Variants in HBP1 observed in about 807,000 individuals in gnomAD.
The protein encoded by HBP1 is HMG-box transcription factor 1.
In HBP1, 20 loss-of-function variants were observed where a neutral mutation model predicts 62.6. The observed-to-expected ratio is 0.32, with a 90% CI of 0.22 to 0.46. The LOEUF is 0.46. Among genes scored for constraint, HBP1 ranks in the 20% least tolerant of loss-of-function variants. The probability of loss-of-function intolerance (pLI) is 1.00; values close to 1 mark genes in which losing one functional copy is unlikely to be tolerated. For synonymous variants in HBP1, 232 were observed against 206.2 expected, an observed-to-expected ratio of 1.12 and a Z score of -1.07; for missense variants, 480 against 611.8, an observed-to-expected ratio of 0.78 and a Z score of 2.27.
Position 107,196,047 on chromosome 7 carries a change from T to A in HBP1, c.1281T>A (p.Ser427Arg). The A allele has an allele frequency of 6.2e-7, 1 of 1,613,766 alleles. No individual in the cohort carries two copies. Among genetic ancestry groups the A allele is most frequent in the South Asian group, 1.1e-5 (1 of 91,080 alleles). The change falls in exon 9 of 11, where the codon AGT becomes AGA. Residue 427 changes from serine to arginine, a missense_variant. By Grantham distance (110) the Ser-to-Arg change is moderately radical (BLOSUM62 -1). Transcript: ENST00000222574. ...AVKNHSSGTVSATSPNKCKRP... is the reference protein window; with the variant it reads ...AVKNHSSGTVRATSPNKCKRP... ...AAAACCACAGCTCAGGGACTGTGAG[T>A]GCCACTTCTCCTAATAAGTGCAAAA...
Position 107,181,007 on chromosome 7 carries a change from G to T in HBP1, c.169+945G>T, listed in dbSNP as rs182342295. Among the ~76,000 whole-genome samples, 17 of 152,216 alleles carry T rather than the reference G, an allele frequency of 1.1e-4. No individual in the cohort carries two copies. The East Asian group carries it at 3.1e-3, about 28-fold the overall frequency. On this transcript the variant is annotated intron_variant, in intron 2 of 10. Coordinates refer to ENST00000222574, the MANE Select transcript of HBP1 (RefSeq NM_012257.4). The stretch of plus-strand genomic sequence containing the variant: ...CTTCAGAAACAGAAATGAACCCTTT[G>T]CAGTAAATAAATGTTGGTCAAAGGC...
intron 9 of HBP1, among the ~76,000 whole-genome samples, chr7:107,197,613 G>A (rs137988013): frequency 7.2e-5 from 11 of 152,186 alleles, no homozygotes; most frequent in Admixed American, 2.0e-4. Context: ...CAAGTGATCC[G>A]CTCACCTTGG....
At position 107,200,356 on chromosome 7, in the gene HBP1, C is replaced by CT. The variant is rs780064575; in HGVS notation, c.1527+56dup. 3 of 1,473,546 alleles carry CT rather than the reference C, an allele frequency of 2.0e-6. No homozygotes were observed. The South Asian group carries it at 3.7e-5, about 18-fold the overall frequency. 91.3% of individuals were successfully genotyped at this position (1,473,546 alleles called of 1,614,324 possible). A position where few individuals can be genotyped will look rare whatever the true frequency, so the allele number is the denominator to read the frequency against. ...ATCTTGCCTTATCCGTGCAGGTGTA[C>CT]TGGCATGTTGGAGCAGTTGTTACAA... is the stretch of plus-strand genomic sequence containing the variant. On this transcript the variant is annotated intron_variant, in intron 10 of 10. Coordinates refer to ENST00000222574, the MANE Select transcript of HBP1 (RefSeq NM_012257.4).
At chr7:107,193,152 G>C (rs1310131638) in intron 8 of HBP1, 1 of 152,148 alleles carries the variant, frequency 6.6e-6, no homozygotes, top group African/African-American at 2.4e-5. Context: ...CTAGGCCTCA[G>C]GCGGGTTTAA....
intron 6 of HBP1, among the ~76,000 whole-genome samples, chr7:107,187,019 G>C (rs1317088379): frequency 1.3e-5 from 2 of 152,194 alleles, no homozygotes; most frequent in African/African-American, 4.8e-5. Flanking sequence ...TTGGGAGGCT[G>C]AGGCGGGTGG....
intron 6 of HBP1, among the ~76,000 whole-genome samples, chr7:107,187,669 C>G (rs1277090106): frequency 1.3e-5 from 2 of 152,188 alleles, no homozygotes; most frequent in Admixed American, 6.5e-5. Flanking sequence ...AATAGTCTAA[C>G]TTTGGCCTCT....
intron 1 of HBP1, among the ~76,000 whole-genome samples, chr7:107,176,981 T>C (rs1409779879): frequency 1.3e-5 from 2 of 152,210 alleles, no homozygotes; most frequent in African/African-American, 4.8e-5. Context: ...TGACTTGTCA[T>C]AATATCTCCT....
chr7:107,179,044 A>C (rs1418661018), intron 1 of HBP1, among the ~76,000 whole-genome samples: 2 of 152,260 alleles, frequency 1.3e-5, no homozygotes, highest in Non-Finnish European at 2.9e-5. Flanking sequence ...AAAAAAAAGA[A>C]AATGTATTTT....
At chr7:107,186,872 A>G in intron 6 of HBP1, among the ~76,000 whole-genome samples, 191 bp downstream of exon 6, 1 of 152,218 alleles carries the variant, frequency 6.6e-6, no homozygotes, top group Non-Finnish European at 1.5e-5. Flanking sequence ...TTGCCTTTCT[A>G]ACATGCTTTC....
intron 1 of HBP1, among the ~76,000 whole-genome samples, chr7:107,176,563 A>T (rs1171339458): frequency 6.6e-6 from 1 of 152,164 alleles, no homozygotes; most frequent in Middle Eastern, 3.2e-3. Context: ...GGAAACAAAA[A>T]CTAGTGCACA....
At chr7:107,188,745 AT>A (rs1228336837) in intron 6 of HBP1, among the ~76,000 whole-genome samples, 1 of 152,132 alleles carries the variant, frequency 6.6e-6, no homozygotes, top group Non-Finnish European at 1.5e-5. Flanking sequence ...GTCTTTTCTT[AT>A]TTACCATCAT....
Position 107,179,945 on chromosome 7 carries a change from C to T in HBP1, c.52C>T (p.Leu18=), listed in dbSNP as rs762481914. The change falls in exon 2 of 11, where the codon CTG becomes TTG. Residue 18 remains leucine (L), a synonymous_variant. Coordinates refer to ENST00000222574, the MANE Select transcript of HBP1 (RefSeq NM_012257.4). ...GATGCCTAATGCAGTACAGAAACTC[C>T]TGTTGGTGATGGACAAGAGAGCCTC... The part of the protein sequence containing the change: ...NQMPNAVQKL[L]LVMDKRASGM... The T allele has an allele frequency of 6.2e-7, 1 of 1,611,194 alleles. No homozygotes were observed. The highest frequency in any genetic ancestry group is 1.3e-5 in the African/African-American group (1 of 74,990).
intron 10 of HBP1, 109 bp downstream of exon 10, chr7:107,200,410 C>T: frequency 1.3e-6 from 1 of 778,198 alleles, no homozygotes; most frequent in East Asian, 2.8e-5. Flanking sequence ...GATGCTGTCT[C>T]TAGCATTTTT....
chr7:107,195,369 C>T (rs1483994380), intron 8 of HBP1, among the ~76,000 whole-genome samples: 1 of 152,178 alleles, frequency 6.6e-6, no homozygotes, highest in Non-Finnish European at 1.5e-5. Flanking sequence ...CCTTTCCCAA[C>T]CATTTGTTTT....
chr7:107,182,168 G>A (rs1446426515), intron 2 of HBP1, among the ~76,000 whole-genome samples: 1 of 151,972 alleles, frequency 6.6e-6, no homozygotes, highest in Admixed American at 6.6e-5. Context: ...TCCTAGGTGA[G>A]GTACAAAACA....
At position 107,169,111 on chromosome 7, in the gene HBP1, G is replaced by T. The variant is rs1487807815; in HGVS notation, c.-90G>T. ...GGGGGAGGCCGACGTCGGTCGGAGAGGGGGTACGAGAGCTGCTGGTGGTGT... is the reference window on the plus strand; with the variant it reads ...GGGGGAGGCCGACGTCGGTCGGAGATGGGGTACGAGAGCTGCTGGTGGTGT... On this transcript the variant is annotated 5_prime_UTR_variant, in exon 1 of 11. It adds an upstream start codon to the 5' untranslated region. Transcript: ENST00000222574. 2 of 1,275,302 alleles carry T rather than the reference G, an allele frequency of 1.6e-6. No homozygotes were observed. The highest frequency in any genetic ancestry group is 2.0e-6 in the Non-Finnish European group (2 of 980,904). The allele number at this position is 1,275,302 out of a possible 1,614,324, so 79.0% of individuals were successfully genotyped here. A position where few individuals can be genotyped will look rare whatever the true frequency, so the allele number is the denominator to read the frequency against.
chr7:107,182,767 A>G (rs1181115141), intron 3 of HBP1, among the ~76,000 whole-genome samples, 166 bp downstream of exon 3: 1 of 152,222 alleles, frequency 6.6e-6, no homozygotes, highest in African/African-American at 2.4e-5. Flanking sequence ...ACTCACTACC[A>G]TGATTTCATA....
chr7:107,182,980 G>A (rs1797181057), intron 3 of HBP1, among the ~76,000 whole-genome samples: 1 of 152,024 alleles, frequency 6.6e-6, no homozygotes, highest in South Asian at 2.1e-4. Flanking sequence ...TTTTGGTCTA[G>A]GTTTATTTCT....
At chr7:107,201,144 A>G (rs2116039761) in intron 10 of HBP1, 1 of 328,268 alleles carries the variant, frequency 3.0e-6, no homozygotes, top group Non-Finnish European at 5.6e-6. Context: ...GCTGAACTGA[A>G]TTTTGGCAGT....
Sources: gnomAD v4.1 joint callset for allele counts (sites outside exome capture counted in the v4.1 genomes callset) on GRCh38, gnomAD v4.1.1 for gene constraint, MANE v1.5 for transcripts, NCBI Gene and HGNC (gene_info 2026-07-23, HGNC 2026-07-21) for gene names.